Variants in RGS6 observed in about 807,000 individuals in gnomAD.
RGS6 encodes the protein regulator of G-protein signaling 6.
RGS6 carries 30 observed loss-of-function variants against 78.5 expected under a neutral mutation model. The observed-to-expected ratio is 0.38, with a 90% CI of 0.29 to 0.52. The LOEUF is 0.52. RGS6 is among the 20% of genes least tolerant of loss of function. The pLI is 0.85. For synonymous variants in RGS6, 206 were observed against 206.0 expected (o/e 1.00, Z 0.00); for missense variants, 495 against 609.7 (o/e 0.81, Z 1.98).
At chr14:72,278,278 G>A (rs2061014238) in intron 2 of RGS6, among the ~76,000 whole-genome samples, 1 of 152,138 alleles carries the variant, frequency 6.6e-6, no homozygotes, top group Non-Finnish European at 1.5e-5. Context: ...GAAACAATTT[G>A]GTTTTGATAG....
intron 5 of RGS6, among the ~76,000 whole-genome samples, chr14:72,459,111 A>T (rs562752799): frequency 6.6e-6 from 1 of 152,310 alleles, no homozygotes; most frequent in Non-Finnish European, 1.5e-5. Flanking sequence ...ACAGACCTTG[A>T]TCTTTCTACT....
chr14:72,033,871 G>T (rs60517172), intron 2 of RGS6, among the ~76,000 whole-genome samples: 7,474 of 152,148 alleles, frequency 0.049, 262 homozygotes, highest in African/African-American at 0.097. Flanking sequence ...GTGTACAAGG[G>T]TTCCAGTTTC....
the RGS6 span, among the ~76,000 whole-genome samples, chr14:71,870,760 A>C: frequency 1.3e-5 from 2 of 152,338 alleles, no homozygotes; most frequent in African/African-American, 4.8e-5. Context: ...AACCAGGTGC[A>C]TAGGGGCAGC....
intron 2 of RGS6, among the ~76,000 whole-genome samples, chr14:72,345,046 G>C (rs1312938611): frequency 1.3e-5 from 2 of 152,200 alleles, no homozygotes; most frequent in Non-Finnish European, 2.9e-5. Context: ...GTGCAGCTCA[G>C]TGTAGTCATG....
At chr14:72,585,274 A>G in the RGS6 span, among the ~76,000 whole-genome samples, 8 of 152,186 alleles carry the variant, frequency 5.3e-5, no homozygotes, top group African/African-American at 1.7e-4. Flanking sequence ...CTCTTTCTCT[A>G]TTCCACAAAT....
intron 15 of RGS6, among the ~76,000 whole-genome samples, chr14:72,529,466 C>G (rs942227093): frequency 5.3e-5 from 8 of 152,146 alleles, no homozygotes; most frequent in Non-Finnish European, 1.2e-4. Context: ...ACCATCCTCA[C>G]CTTGGTATCT....
At chr14:72,602,937 T>C in the RGS6 span, among the ~76,000 whole-genome samples, 6 of 151,782 alleles carry the variant, frequency 4.0e-5, no homozygotes, top group Admixed American at 2.0e-4. Flanking sequence ...CTGAGGAAGA[T>C]AAAGAAAAAG....
At chr14:72,224,298 G>C (rs774105063) in intron 2 of RGS6, among the ~76,000 whole-genome samples, 3 of 152,078 alleles carry the variant, frequency 2.0e-5, no homozygotes, top group Non-Finnish European at 4.4e-5. Context: ...CATGCACCCA[G>C]TCTCAGCTAC....
At position 72,532,519 on chromosome 14, in the gene RGS6, G is replaced by A. The variant is rs368590784; in HGVS notation, c.1279-3667G>A. On this transcript the variant is annotated intron_variant, in intron 15 of 17. Transcript: ENST00000553525. ...TGTCTCTAACTTTAAATCAAAAACT[G>A]GAAATGATTAAGCTTAGTGAGGAAG... 2.6e-4 allele frequency among the ~76,000 whole-genome samples: 39 copies of A among 152,320 alleles called. 1 individual carries two copies. The highest frequency in any genetic ancestry group is 3.9e-4 in the Admixed American group (6 of 15,296).
chr14:72,289,569 A>G (rs1203763181), intron 2 of RGS6, among the ~76,000 whole-genome samples: 1 of 152,198 alleles, frequency 6.6e-6, no homozygotes, highest in Non-Finnish European at 1.5e-5. Flanking sequence ...AATGCCTATT[A>G]TCATAGAACC....
At chr14:72,054,182 A>G (rs753229069) in intron 2 of RGS6, among the ~76,000 whole-genome samples, 2 of 152,242 alleles carry the variant, frequency 1.3e-5, no homozygotes, top group African/African-American at 2.4e-5. Context: ...AAGTCCTTAC[A>G]GAAATATAAA....
chr14:72,166,793 G>A (rs938862913), intron 2 of RGS6, among the ~76,000 whole-genome samples: 4 of 152,072 alleles, frequency 2.6e-5, no homozygotes, highest in South Asian at 2.1e-4. Context: ...ATGATCAATC[G>A]CCAGACTACC....
the RGS6 span, among the ~76,000 whole-genome samples, chr14:72,590,783 T>C: frequency 6.6e-6 from 1 of 152,034 alleles, no homozygotes; most frequent in African/African-American, 2.4e-5. Context: ...AAGCAGGAAA[T>C]GGCGGTAAAC....
Position 71,966,821 on chromosome 14 carries a change from A to G in RGS6, c.84+1946A>G, listed in dbSNP as rs728496. Among the ~76,000 whole-genome samples the G allele has an allele frequency of 4.1e-3, 626 of 152,212 alleles. 5 individuals carry two copies. Among genetic ancestry groups the G allele is most frequent in the African/African-American group, 0.014 (582 of 41,554 alleles). ...AGGAAATAAATGATAAAATCTCTAAATGTTGGTGCTGTTAATAAGTTGTCT... is the reference window on the plus strand; with the variant it reads ...AGGAAATAAATGATAAAATCTCTAAGTGTTGGTGCTGTTAATAAGTTGTCT... On this transcript the variant is annotated intron_variant, in intron 2 of 17. Coordinates refer to ENST00000553525, the MANE Select transcript of RGS6 (RefSeq NM_001204424.2).
At chr14:71,901,101 T>A in the RGS6 span, among the ~76,000 whole-genome samples, 2 of 152,246 alleles carry the variant, frequency 1.3e-5, no homozygotes, top group Admixed American at 6.5e-5. Context: ...AACATGAGAC[T>A]TGGAGAGGAT....
intron 2 of RGS6, among the ~76,000 whole-genome samples, chr14:72,068,725 C>T (rs1158155679): frequency 6.6e-6 from 1 of 150,932 alleles, no homozygotes; most frequent in Non-Finnish European, 1.5e-5. Flanking sequence ...TTGAACTCCC[C>T]ACCTGTTGAT....
At chr14:72,008,815 CT>C (rs1246092405) in intron 2 of RGS6, among the ~76,000 whole-genome samples, 1 of 152,108 alleles carries the variant, frequency 6.6e-6, no homozygotes, top group Non-Finnish European at 1.5e-5. Flanking sequence ...TCATGAGATA[CT>C]ATGTAGAAAA....
At chr14:72,365,217 C>CA (rs1413479716) in intron 3 of RGS6, among the ~76,000 whole-genome samples, 7 of 152,054 alleles carry the variant, frequency 4.6e-5, no homozygotes, top group African/African-American at 7.2e-5. Context: ...ATGTACTTGC[C>CA]AAAAAAGTCA....
At chr14:71,996,077 TC>T (rs895467471) in intron 2 of RGS6, among the ~76,000 whole-genome samples, 1 of 151,994 alleles carries the variant, frequency 6.6e-6, no homozygotes, top group African/African-American at 2.4e-5. Flanking sequence ...CAGGTGTATA[TC>T]CTGCAGGCAA....
Sources: gnomAD v4.1 joint callset for allele counts (sites outside exome capture counted in the v4.1 genomes callset) on GRCh38, gnomAD v4.1.1 for gene constraint, MANE v1.5 for transcripts, NCBI Gene and HGNC (gene_info 2026-07-23, HGNC 2026-07-21) for gene names.